SLC41A1: variants seen among roughly 807,000 people sequenced by gnomAD.
SLC41A1 encodes solute carrier family 41 (magnesium transporter), member 1.
A neutral mutation model predicts 47.3 loss-of-function variants in SLC41A1; 20 were observed. That is an observed-to-expected ratio of 0.42 (90% CI 0.30 to 0.61). SLC41A1 has a LOEUF of 0.61. Ranked by LOEUF, SLC41A1 falls within the 20% of genes least tolerant of loss-of-function variation. SLC41A1 has a pLI of 0.17. For synonymous variants in SLC41A1, 282 were observed against 272.7 expected (o/e 1.03, Z -0.34); for missense variants, 504 against 674.1 (o/e 0.75, Z 2.79).
In SLC41A1 at chr1:205,791,795, T is replaced by C; in HGVS notation, c.1357-77A>G. On this transcript the variant is annotated intron_variant, in intron 10 of 10. Coordinates refer to ENST00000367137, the MANE Select transcript of SLC41A1 (RefSeq NM_173854.6). This position sits in a 1 kb window ranked among gnomAD's most constrained non-coding sequence, Gnocchi z 4.0. Reference sequence around the variant, plus strand: ...GCCAGAGGCCACATGATCAGACCCATTCAGTGCATCACAGGGCTTGGCTGG... The same window carrying C: ...GCCAGAGGCCACATGATCAGACCCACTCAGTGCATCACAGGGCTTGGCTGG... 2.6e-6 allele frequency: 4 copies of C among 1,554,746 alleles called. No individual in the cohort carries two copies. The highest frequency in any genetic ancestry group is 4.7e-5 in the East Asian group (2 of 42,694).
chr1:205,813,129 A>G lies in SLC41A1; in HGVS notation c.-968T>C, dbSNP rs1196146635. Reference sequence around the variant, plus strand: ...GGGGAGCCGAGCTCACGCGCCCCCAATCGCTTCTTGCCCGCGGACTCGGGC... The same window carrying G: ...GGGGAGCCGAGCTCACGCGCCCCCAGTCGCTTCTTGCCCGCGGACTCGGGC... On this transcript the variant is annotated 5_prime_UTR_variant, in exon 1 of 11. Coordinates refer to ENST00000367137, the MANE Select transcript of SLC41A1 (RefSeq NM_173854.6). 21 of 985,312 alleles carry G rather than the reference A, an allele frequency of 2.1e-5. No homozygotes were observed. The highest frequency in any genetic ancestry group is 9.4e-5 in the South Asian group (2 of 21,280). The allele number at this position is 985,312 out of a possible 1,614,324, so 61.0% of individuals were successfully genotyped here. A position where few individuals can be genotyped will look rare whatever the true frequency, so the allele number is the denominator to read the frequency against.
Position 205,798,675 on chromosome 1 carries a change from C to G in SLC41A1, c.838G>C (p.Glu280Gln), listed in dbSNP as rs1655801545. Residue 280 changes from glutamate to glutamine, a missense_variant, in exon 6 of 11, where the codon GAA becomes CAA. By Grantham distance (29) the Glu-to-Gln change is conservative. Coordinates refer to ENST00000367137, the MANE Select transcript of SLC41A1 (RefSeq NM_173854.6). ...CACACTCTTGGTGGCTCACTCAGTT[C>G]CAGGTAGAGTCCCCAGCTGATGCCT... is the stretch of plus-strand genomic sequence containing the variant. ...LSGISWGLYL[E>Q]LNHWRYIYPL... 1.2e-6 allele frequency: 2 copies of G among 1,614,078 alleles called. No homozygotes were observed. The highest frequency in any genetic ancestry group is 1.3e-5 in the African/African-American group (1 of 74,930).
intron 1 of SLC41A1, 30 bp downstream of exon 1, chr1:205,812,778 C>G: frequency 3.0e-6 from 3 of 985,712 alleles, no homozygotes; most frequent in Non-Finnish European, 3.6e-6. Flanking sequence ...CCACCACCCC[C>G]TCCCCGCCCC....
intron 2 of SLC41A1, among the ~76,000 whole-genome samples, chr1:205,807,579 G>A (rs767272296): frequency 2.7e-5 from 4 of 150,378 alleles, no homozygotes; most frequent in Non-Finnish European, 5.9e-5. Context: ...AGAAGATAAC[G>A]CTAATTAATC....
At chr1:205,812,387 C>T (rs922888781) in intron 1 of SLC41A1, among the ~76,000 whole-genome samples, 5 of 152,200 alleles carry the variant, frequency 3.3e-5, no homozygotes, top group African/African-American at 1.2e-4. Flanking sequence ...TTTCAAACTC[C>T]CTCACCAGAG....
chr1:205,809,993 A>G, intron 2 of SLC41A1, 77 bp downstream of exon 2: 1 of 1,598,344 alleles, frequency 6.3e-7, no homozygotes, highest in South Asian at 1.1e-5. Flanking sequence ...AGGGAGGTAG[A>G]GAGGAAGTTC....
chr1:205,812,365 G>T lies in SLC41A1; in HGVS notation c.-647+443C>A, dbSNP rs74766822. ...CCCTTTTCCAATCTCCTTAAACACA[G>T]TACTGTGGTTCTTTCAAACTCCCTC... is the stretch of plus-strand genomic sequence containing the variant. On this transcript the variant is annotated intron_variant, in intron 1 of 10. Coordinates refer to ENST00000367137, the MANE Select transcript of SLC41A1 (RefSeq NM_173854.6). Among the ~76,000 whole-genome samples the T allele has an allele frequency of 3.1e-3, 467 of 152,274 alleles. 3 individuals carry two copies. The highest frequency in any genetic ancestry group is 0.011 in the African/African-American group (441 of 41,556).
chr1:205,805,363 A>T (rs1361960877), intron 2 of SLC41A1, among the ~76,000 whole-genome samples: 1 of 152,184 alleles, frequency 6.6e-6, no homozygotes, highest in African/African-American at 2.4e-5. Context: ...GGAGATGTGG[A>T]GCCAGCCCAG....
Position 205,810,058 on chromosome 1 carries a change from C to T in SLC41A1, c.372+12G>A, listed in dbSNP as rs1656108842. The T allele has an allele frequency of 6.2e-7, 1 of 1,614,098 alleles. No homozygotes were observed. The highest frequency in any genetic ancestry group is 8.5e-7 in the Non-Finnish European group (1 of 1,180,038). Reference sequence around the variant, plus strand: ...GGGCTCACAGTCAAGAGCTGCCCTACTCAGGTCCTACCTGCACGATGTCCA... The same window carrying T: ...GGGCTCACAGTCAAGAGCTGCCCTATTCAGGTCCTACCTGCACGATGTCCA... On this transcript the variant is annotated intron_variant, in intron 2 of 10. Transcript: ENST00000367137. The surrounding 1 kb of genome is among the most constrained non-coding windows in gnomAD (Gnocchi z 5.5).
chr1:205,795,021 G>A lies in SLC41A1; in HGVS notation c.1208-3C>T, dbSNP rs1655711820. 1.2e-6 allele frequency: 2 copies of A among 1,613,640 alleles called. No individual in the cohort carries two copies. Among genetic ancestry groups the A allele is most frequent in the African/African-American group, 2.7e-5 (2 of 74,900 alleles). On this transcript the variant is annotated splice_polypyrimidine_tract_variant and splice_region_variant and intron_variant, in intron 9 of 10. Transcript: ENST00000367137. ...CCGGGCTGAGCGAGAATTCACATCT[G>A]GAATTGGGGAAAAGAGGGTGTAAAG...
chr1:205,803,161 T>A (rs138414937), intron 2 of SLC41A1, among the ~76,000 whole-genome samples: 3 of 152,038 alleles, frequency 2.0e-5, no homozygotes, highest in African/African-American at 7.2e-5. Context: ...AGAGCAAGAC[T>A]CCGTCTCAAG....
chr1:205,801,209 A>AGG, intron 2 of SLC41A1, 149 bp from the exon 3 acceptor site: 1 of 663,830 alleles, frequency 1.5e-6, no homozygotes, highest in Non-Finnish European at 2.7e-6. Flanking sequence ...AGAACCTTGG[A>AGG]ACCAAACCAA....
chr1:205,810,389 G>A lies in SLC41A1; in HGVS notation c.53C>T (p.Pro18Leu), dbSNP rs749578494. The A allele has an allele frequency of 1.2e-6, 2 of 1,614,212 alleles. No individual in the cohort carries two copies. The highest frequency in any genetic ancestry group is 1.7e-6 in the Non-Finnish European group (2 of 1,180,042). ...KDVHQLNGTG[P>L]SASPCSSDGP... ...ATCTGAAGAGCAGGGAGAGGCAGAA[G>A]GGCCAGTCCCGTTCAGTTGGTGGAC... The change falls in exon 2 of 11, where the codon CCT becomes CTT. Residue 18 changes from proline to leucine, a missense_variant. Coordinates refer to ENST00000367137, the MANE Select transcript of SLC41A1 (RefSeq NM_173854.6). This position sits in a 1 kb window ranked among gnomAD's most constrained non-coding sequence, Gnocchi z 5.5.
In SLC41A1 at chr1:205,791,206, A is replaced by G. The variant is rs1005540659; in HGVS notation, c.*327T>C. ...CTCATTAGGGCCAAGACAGGTTGCT[A>G]AAGCCAAACCCCATGTCCCCAGATT... On this transcript the variant is annotated 3_prime_UTR_variant, in exon 11 of 11. Transcript: ENST00000367137. This position sits in a 1 kb window ranked among gnomAD's most constrained non-coding sequence, Gnocchi z 4.0. 5.1e-6 allele frequency: 2 copies of G among 392,824 alleles called. No homozygotes were observed. Among genetic ancestry groups the G allele is most frequent in the East Asian group, 1.2e-4 (2 of 17,226 alleles). The allele number at this position is 392,824 out of a possible 1,614,324, so 24.3% of individuals were successfully genotyped here. A position where few individuals can be genotyped will look rare whatever the true frequency, so the allele number is the denominator to read the frequency against.
At position 205,812,991 on chromosome 1, in the gene SLC41A1, T is replaced by A. The variant is rs1656197695; in HGVS notation, c.-830A>T. 1 of 985,684 alleles carries A rather than the reference T, an allele frequency of 1.0e-6. No individual in the cohort carries two copies. The highest frequency in any genetic ancestry group is 1.7e-5 in the African/African-American group (1 of 57,254). 61.1% of individuals were successfully genotyped at this position (985,684 alleles called of 1,614,324 possible). ...AGCCGCGACACCCGGCTCGCTACATTTCGCTTCTGCGTTACAGCGAGGCCG... is the reference window on the plus strand; with the variant it reads ...AGCCGCGACACCCGGCTCGCTACATATCGCTTCTGCGTTACAGCGAGGCCG... On this transcript the variant is annotated 5_prime_UTR_variant, in exon 1 of 11. Coordinates refer to ENST00000367137, the MANE Select transcript of SLC41A1 (RefSeq NM_173854.6).
rs965435346 is a variant in SLC41A1 at position 205,791,150 on chromosome 1, C to CA, written c.*382dup. Reference sequence around the variant, plus strand: ...AAAACAGATAAAAAGAAAACAAAACCAAAAATCCAGAGCCCACTTACAAAG... The same window carrying CA: ...AAAACAGATAAAAAGAAAACAAAACCAAAAAATCCAGAGCCCACTTACAAAG... On this transcript the variant is annotated 3_prime_UTR_variant, in exon 11 of 11. Coordinates refer to ENST00000367137, the MANE Select transcript of SLC41A1 (RefSeq NM_173854.6). The surrounding 1 kb of genome is among the most constrained non-coding windows in gnomAD (Gnocchi z 4.0). 1 of 270,386 alleles carries CA rather than the reference C, an allele frequency of 3.7e-6. No individual in the cohort carries two copies. Among genetic ancestry groups the CA allele is most frequent in the Admixed American group, 5.0e-5 (1 of 20,010 alleles). The allele number at this position is 270,386 out of a possible 1,614,324, so 16.7% of individuals were successfully genotyped here. A position where few individuals can be genotyped will look rare whatever the true frequency, so the allele number is the denominator to read the frequency against.
At chr1:205,797,607 G>T (rs571239877) in intron 7 of SLC41A1, among the ~76,000 whole-genome samples, 10 of 152,240 alleles carry the variant, frequency 6.6e-5, no homozygotes, top group African/African-American at 2.4e-4. Context: ...ATAAACCTGG[G>T]CTGTAGGCCA....
intron 2 of SLC41A1, among the ~76,000 whole-genome samples, chr1:205,806,426 A>T (rs1318977741): frequency 1.3e-5 from 2 of 152,212 alleles, no homozygotes; most frequent in African/African-American, 4.8e-5. Context: ...GCAGGTGAGT[A>T]GTGAGTTAAA....
chr1:205,795,197 G>A (rs1655716549), intron 9 of SLC41A1, 147 bp downstream of exon 9: 10 of 1,450,278 alleles, frequency 6.9e-6, no homozygotes, highest in Admixed American at 1.9e-5. Context: ...CAGCCCTCCT[G>A]CCTGGGCTCT....
Sources: allele counts gnomAD v4.1 joint callset (sites outside exome capture counted in the v4.1 genomes callset), GRCh38; gene constraint gnomAD v4.1.1; non-coding constraint Gnocchi (gnomAD v3.1); transcripts MANE v1.5; gene names NCBI Gene and HGNC (gene_info 2026-07-23, HGNC 2026-07-21).